The following ELAC2 variants were observed in gnomAD, a reference collection of about 807,000 sequenced individuals.
The protein encoded by ELAC2 is elaC ribonuclease Z 2.
In ELAC2, 92 loss-of-function variants were observed where a neutral mutation model predicts 105.2. That is an observed-to-expected ratio of 0.87 (90% CI 0.74 to 1.04). The LOEUF is 1.04. Ranked by LOEUF, ELAC2 falls within the 50% of genes least tolerant of loss-of-function variation. ELAC2 has a pLI of 0.00. For missense variants in ELAC2, 1,099 were observed against 1,071.7 expected (o/e 1.03, Z -0.36); for synonymous variants, 468 against 409.1 (o/e 1.14, Z -1.74).
chr17:13,001,209 A>G (rs1452145810), intron 14 of ELAC2, among the ~76,000 whole-genome samples: 1 of 152,152 alleles, frequency 6.6e-6, no homozygotes, highest in African/African-American at 2.4e-5. Flanking sequence ...TTAAAAATTA[A>G]AACAGGCCGG....
At chr17:13,010,721 A>C (rs912195592) in intron 7 of ELAC2, 50 bp from the exon 8 acceptor site, 85 of 1,499,936 alleles carry the variant, frequency 5.7e-5, no homozygotes, top group Non-Finnish European at 7.2e-5. Context: ...AAAGCTGTGA[A>C]GACATCACAG....
chr17:12,995,002 T>G lies in ELAC2; in HGVS notation c.1869A>C (p.Arg623Ser). Reference sequence around the variant, plus strand: ...ATGTTCGCAACAGCGAACTGATCAATCTTTCCACTGCAGGACTGGAGATCT... The same window carrying G: ...ATGTTCGCAACAGCGAACTGATCAAGCTTTCCACTGCAGGACTGGAGATCT... Reference protein sequence around the residue: ...GAEISSPAVERLISSLLRTCD... With the variant: ...GAEISSPAVESLISSLLRTCD... The change falls in exon 20 of 24, where the codon AGA becomes AGC. Residue 623 changes from arginine to serine, a missense_variant. Physicochemically the swap from Arg to Ser is moderately radical, Grantham distance 110. Transcript: ENST00000338034. 6.2e-7 allele frequency: 1 copy of G among 1,614,212 alleles called. No individual in the cohort carries two copies. The highest frequency in any genetic ancestry group is 1.1e-5 in the South Asian group (1 of 91,086).
intron 8 of ELAC2, among the ~76,000 whole-genome samples, chr17:13,008,449 T>C (rs949313328): frequency 6.6e-6 from 1 of 151,842 alleles, no homozygotes; most frequent in African/African-American, 2.4e-5. Flanking sequence ...GAGGCAGAGG[T>C]TGCAGTGAGC....
Position 12,994,514 on chromosome 17 carries a change from A to G in ELAC2, c.2030-11T>C, listed in dbSNP as rs1362428707. 6.2e-7 allele frequency: 1 copy of G among 1,614,190 alleles called. No individual in the cohort carries two copies. The highest frequency in any genetic ancestry group is 1.7e-5 in the Admixed American group (1 of 60,028). On this transcript the variant is annotated splice_polypyrimidine_tract_variant and intron_variant, in intron 21 of 23. Transcript: ENST00000338034. ...GGGTGGCATCTTTCCCTGGAGAAGC[A>G]GCACAAGGATCAGGGCAGAGTTCTC...
chr17:13,014,407 T>C (rs372368493), intron 5 of ELAC2, 32 bp downstream of exon 5: 48 of 1,559,512 alleles, frequency 3.1e-5, no homozygotes, highest in Middle Eastern at 1.7e-4. Context: ...AAGTTAGAAA[T>C]AGCAGAGGAT....
In ELAC2 at chr17:12,998,294, A is replaced by AT. The variant is rs555416971; in HGVS notation, c.1520+117dup. ...TCCTCTCCTGGACACTCCAGTCGAC[A>AT]TGACAAGTGACAGGGCTTGATACCG... On this transcript the variant is annotated intron_variant, in intron 16 of 23. Transcript: ENST00000338034. The AT allele has an allele frequency of 1.2e-3, 1,233 of 998,960 alleles. 5 individuals are homozygous for AT. In the Middle Eastern group the frequency reaches 0.016, roughly 13 times the overall value. The allele number at this position is 998,960 out of a possible 1,614,324, so 61.9% of individuals were successfully genotyped here. A position where few individuals can be genotyped will look rare whatever the true frequency, so the allele number is the denominator to read the frequency against.
intron 23 of ELAC2, 113 bp downstream of exon 23, chr17:12,993,574 C>T: frequency 1.3e-6 from 2 of 1,518,150 alleles, no homozygotes; most frequent in Non-Finnish European, 1.8e-6. Flanking sequence ...ATAACCTTTT[C>T]CCACGGTGGC....
At chr17:12,998,114 T>C (rs1163737379) in intron 16 of ELAC2, among the ~76,000 whole-genome samples, 3 of 152,162 alleles carry the variant, frequency 2.0e-5, no homozygotes, top group Non-Finnish European at 2.9e-5. Context: ...CACCACTTCA[T>C]AGGATTAATG....
At position 12,991,880 on chromosome 17, in the gene ELAC2, A is replaced by C. The variant is rs569034381; in HGVS notation, c.*938T>G. Among the ~76,000 whole-genome samples the C allele has an allele frequency of 4.3e-4, 65 of 151,662 alleles. No individual in the cohort carries two copies. Among genetic ancestry groups the C allele is most frequent in the Middle Eastern group, 3.4e-3 (1 of 294 alleles). On this transcript the variant is annotated 3_prime_UTR_variant, in exon 24 of 24. Coordinates refer to ENST00000338034, the MANE Select transcript of ELAC2 (RefSeq NM_018127.7). ...ACTTACTTACTTACTTTACTTACTTACTTCCTTGGAAAATGCTCTCCATTT... is the reference window on the plus strand; with the variant it reads ...ACTTACTTACTTACTTTACTTACTTCCTTCCTTGGAAAATGCTCTCCATTT...
In ELAC2 at chr17:13,017,878, G is replaced by A. The variant is rs1462517158; in HGVS notation, c.70C>T (p.Gln24Ter). 3.9e-6 allele frequency: 6 copies of A among 1,546,854 alleles called. No individual in the cohort carries two copies. Among genetic ancestry groups the A allele is most frequent in the African/African-American group, 1.4e-5 (1 of 73,238 alleles). ...GGCCGCTCGCGGCGGGCGGGTGCCTGCGATATGGTGCGTCCCTGCGACATG... is the reference window on the plus strand; with the variant it reads ...GGCCGCTCGCGGCGGGCGGGTGCCTACGATATGGTGCGTCCCTGCGACATG... ...RTMSQGRTIS[Q>*]APARRERPRK... Residue 24 changes from glutamine to a stop codon, truncating the protein, a stop_gained, in exon 1 of 24, where the codon CAG (glutamine) becomes TAG (stop). Transcript: ENST00000338034. LOFTEE classifies it high-confidence loss of function.
chr17:13,002,838 C>T (rs995916019), intron 12 of ELAC2: 1 of 543,178 alleles, frequency 1.8e-6, no homozygotes, highest in Non-Finnish European at 3.3e-6. Context: ...CCAGGGCATA[C>T]AAATAGGGGA....
chr17:13,008,812 A>C (rs2041248835), intron 8 of ELAC2, among the ~76,000 whole-genome samples: 1 of 152,164 alleles, frequency 6.6e-6, no homozygotes, highest in Non-Finnish European at 1.5e-5. Context: ...AAGAGGGGAA[A>C]GGCGTTATAG....
chr17:13,003,529 C>T lies in ELAC2; in HGVS notation c.1029G>A (p.Met343Ile). The T allele has an allele frequency of 6.2e-7, 1 of 1,614,224 alleles. No individual in the cohort carries two copies. The highest frequency in any genetic ancestry group is 8.5e-7 in the Non-Finnish European group (1 of 1,180,034). Residue 343 changes from methionine to isoleucine, a missense_variant, in exon 12 of 24, where the codon ATG becomes ATA. By Grantham distance (10) the Met-to-Ile change is conservative. Transcript: ENST00000338034. The stretch of plus-strand genomic sequence containing the variant: ...TGTCCACAAGCACAGATGCTGGGGC[C>T]ATGTGAACCACCAAGGCCACGGGGG... Reference protein sequence around the residue: ...ADAPVALVVHMAPASVLVDSR... With the variant: ...ADAPVALVVHIAPASVLVDSR...
rs2040403434 is a variant in ELAC2 at position 12,995,072 on chromosome 17, G to A, written c.1809-10C>T. ...TTTGGCAGGAATCATACTGTAAAAAGACAAAACATTTAAAATGATAATAAA... is the reference window on the plus strand; with the variant it reads ...TTTGGCAGGAATCATACTGTAAAAAAACAAAACATTTAAAATGATAATAAA... On this transcript the variant is annotated splice_polypyrimidine_tract_variant and intron_variant, in intron 19 of 23. Transcript: ENST00000338034. 4.3e-6 allele frequency: 7 copies of A among 1,613,668 alleles called. No individual in the cohort carries two copies. Among genetic ancestry groups the A allele is most frequent in the Admixed American group, 3.3e-5 (2 of 60,036 alleles).
chr17:13,013,889 C>T (rs1272661154), intron 5 of ELAC2, among the ~76,000 whole-genome samples: 1 of 152,140 alleles, frequency 6.6e-6, no homozygotes, highest in African/African-American at 2.4e-5. Flanking sequence ...GAGGCAGGAG[C>T]CCTGCCGTCT....
In ELAC2 at chr17:12,998,498, ACTT is replaced by A. The variant is rs779224899; in HGVS notation, c.1431_1433del (p.Arg477del). Reference sequence around the variant, plus strand: ...CAAGGAAGATGATTTCTGGGTACTGACTTCTTTTCTCTGTGAAAAAATCCATGT... The same window carrying A: ...CAAGGAAGATGATTTCTGGGTACTGACTTTTCTCTGTGAAAAAATCCATGT... On this transcript the variant is annotated inframe_deletion, in exon 16 of 24. Transcript: ENST00000338034. 1.4e-5 allele frequency: 22 copies of A among 1,613,998 alleles called. No individual in the cohort carries two copies. Among genetic ancestry groups the A allele is most frequent in the Admixed American group, 1.7e-5 (1 of 60,006 alleles).
chr17:13,009,806 T>C (rs1222053720), intron 8 of ELAC2, among the ~76,000 whole-genome samples: 2 of 152,160 alleles, frequency 1.3e-5, no homozygotes, highest in African/African-American at 2.4e-5. Flanking sequence ...CTGGCCAACA[T>C]GGTGAAACCC....
intron 4 of ELAC2, 53 bp from the exon 5 acceptor site, chr17:13,014,549 G>A: frequency 1.5e-6 from 2 of 1,296,272 alleles, no homozygotes; most frequent in Non-Finnish European, 1.1e-6. Flanking sequence ...GTAGAACACA[G>A]CAACTATTCA....
At chr17:13,006,186 C>T (rs975614527) in intron 8 of ELAC2, 5 of 588,462 alleles carry the variant, frequency 8.5e-6, no homozygotes, top group African/African-American at 3.7e-5. Flanking sequence ...GCCTGACCAA[C>T]GTGGAGAAAC....
Sources: allele counts gnomAD v4.1 joint callset (sites outside exome capture counted in the v4.1 genomes callset), GRCh38; gene constraint gnomAD v4.1.1; transcripts MANE v1.5; gene names NCBI Gene and HGNC (gene_info 2026-07-23, HGNC 2026-07-21).